The following SH3RF1 variants were observed in gnomAD, a reference collection of about 807,000 sequenced individuals.
The protein encoded by SH3RF1 is SH3 domain containing ring finger 1, also known as E3 ubiquitin-protein ligase SH3RF1.
A neutral mutation model predicts 74.0 loss-of-function variants in SH3RF1; 32 were observed. The ratio of observed to expected loss-of-function variants is 0.43; its 90% CI spans 0.33 to 0.58. SH3RF1 has a LOEUF of 0.58. SH3RF1 is among the 20% of genes least tolerant of loss of function. SH3RF1 has a pLI of 0.05. For synonymous variants in SH3RF1, 396 were observed against 439.6 expected (o/e 0.90, Z 1.24); for missense variants, 954 against 1,130.9 (o/e 0.84, Z 2.24).
intron 2 of SH3RF1, chr4:169,166,159 GA>G (rs1201279659): frequency 6.7e-6 from 1 of 150,164 alleles, no homozygotes; most frequent in African/African-American, 2.5e-5. Context: ...GTAAACCACA[GA>G]TTGGGAAATA....
chr4:169,163,886 C>CA (rs1734190507), intron 2 of SH3RF1, among the ~76,000 whole-genome samples: 1 of 152,124 alleles, frequency 6.6e-6, no homozygotes, highest in African/African-American at 2.4e-5. Context: ...TTATGTCTGT[C>CA]TAGGATGACT....
intron 2 of SH3RF1, among the ~76,000 whole-genome samples, chr4:169,245,845 G>A (rs1257397356): frequency 6.6e-6 from 1 of 152,176 alleles, no homozygotes; most frequent in Non-Finnish European, 1.5e-5. Context: ...GGGAGTATCC[G>A]TACAAGACCA....
At chr4:169,178,368 A>AACTATGCTTAT (rs1554007367) in intron 2 of SH3RF1, among the ~76,000 whole-genome samples, 51 of 151,144 alleles carry the variant, frequency 3.4e-4, no homozygotes, top group African/African-American at 5.1e-4. Context: ...AAAAATAAGC[A>AACTATGCTTAT]TTGTTATGTT....
intron 2 of SH3RF1, among the ~76,000 whole-genome samples, chr4:169,207,617 G>T (rs1328048918): frequency 6.6e-6 from 1 of 152,174 alleles, no homozygotes; most frequent in Non-Finnish European, 1.5e-5. Flanking sequence ...TATGTGGTCA[G>T]CTCTGCAGTG....
At chr4:169,136,797 G>T (rs1445136954) in intron 4 of SH3RF1, among the ~76,000 whole-genome samples, 177 bp from the exon 5 acceptor site, 1 of 152,074 alleles carries the variant, frequency 6.6e-6, no homozygotes, top group Non-Finnish European at 1.5e-5. Flanking sequence ...GGACTTCATT[G>T]TATCTATATC....
At chr4:169,167,707 A>C (rs1734270198) in intron 2 of SH3RF1, among the ~76,000 whole-genome samples, 1 of 152,198 alleles carries the variant, frequency 6.6e-6, no homozygotes, top group Admixed American at 6.5e-5. Flanking sequence ...TGCCCATAGG[A>C]GGTGGGCAAA....
intron 2 of SH3RF1, among the ~76,000 whole-genome samples, chr4:169,215,923 C>A (rs990306881): frequency 6.6e-6 from 1 of 152,026 alleles, no homozygotes; most frequent in Non-Finnish European, 1.5e-5. Context: ...GCTGCCTCAA[C>A]CCCCCAAGCG....
intron 2 of SH3RF1, among the ~76,000 whole-genome samples, chr4:169,223,084 G>A (rs184664672): frequency 7.9e-5 from 12 of 152,180 alleles, no homozygotes; most frequent in Admixed American, 7.9e-4. Context: ...CCTCCAACAC[G>A]CAGACTCACT....
intron 2 of SH3RF1, among the ~76,000 whole-genome samples, chr4:169,234,896 AC>A (rs912357108): frequency 6.6e-6 from 1 of 152,088 alleles, no homozygotes; most frequent in Non-Finnish European, 1.5e-5. Flanking sequence ...TCTGGCTTCT[AC>A]CCACGAGATG....
Position 169,262,780 on chromosome 4 carries a change from T to TA in SH3RF1, c.393+6039dup, listed in dbSNP as rs906469531. Among the ~76,000 whole-genome samples, 15 of 152,178 alleles carry TA rather than the reference T, an allele frequency of 9.9e-5. 1 individual carries two copies. Among genetic ancestry groups the TA allele is most frequent in the Admixed American group, 9.8e-4 (15 of 15,280 alleles). ...ATATAAAAAAGAATCATTACTTTTT[T>TA]AAAAAAATTATCAATTAGTATGCAC... On this transcript the variant is annotated intron_variant, in intron 2 of 11. Coordinates refer to ENST00000284637, the MANE Select transcript of SH3RF1 (RefSeq NM_020870.4).
chr4:169,153,388 T>A (rs539919488), intron 4 of SH3RF1, among the ~76,000 whole-genome samples: 1 of 152,360 alleles, frequency 6.6e-6, no homozygotes, highest in African/African-American at 2.4e-5. Flanking sequence ...ATAAGAGAAT[T>A]ATTTACCAAT....
intron 4 of SH3RF1, among the ~76,000 whole-genome samples, chr4:169,150,462 T>TAC (rs1360725860): frequency 6.6e-6 from 1 of 152,212 alleles, no homozygotes; most frequent in East Asian, 1.9e-4. Context: ...ACATACGTAT[T>TAC]ACCTCAGATA....
At chr4:169,200,583 C>T (rs1734892186) in intron 2 of SH3RF1, among the ~76,000 whole-genome samples, 1 of 152,126 alleles carries the variant, frequency 6.6e-6, no homozygotes, top group South Asian at 2.1e-4. Context: ...AGGAAAAAAA[C>T]AAGTTTCATA....
intron 2 of SH3RF1, among the ~76,000 whole-genome samples, chr4:169,175,691 G>A (rs1285347074): frequency 1.3e-5 from 2 of 151,952 alleles, no homozygotes; most frequent in Non-Finnish European, 2.9e-5. Flanking sequence ...ACTAGGCACC[G>A]ACCCACCCAA....
In SH3RF1 at chr4:169,269,319, G is replaced by C. The variant is rs1329222771; in HGVS notation, c.-95-12C>G. On this transcript the variant is annotated splice_polypyrimidine_tract_variant and intron_variant, in intron 1 of 11. Coordinates refer to ENST00000284637, the MANE Select transcript of SH3RF1 (RefSeq NM_020870.4). ...TTTCAGACTTTGCTCTAGAGTCATGGGGAAAAGGGGGAAAAGAGAACATGA... is the reference window on the plus strand; with the variant it reads ...TTTCAGACTTTGCTCTAGAGTCATGCGGAAAAGGGGGAAAAGAGAACATGA... The C allele has an allele frequency of 4.3e-6, 5 of 1,151,670 alleles. No individual in the cohort carries two copies. The highest frequency in any genetic ancestry group is 6.0e-6 in the Non-Finnish European group (5 of 839,992). 71.3% of individuals were successfully genotyped at this position (1,151,670 alleles called of 1,614,324 possible).
intron 2 of SH3RF1, among the ~76,000 whole-genome samples, chr4:169,211,465 G>A (rs1175120596): frequency 7.4e-6 from 1 of 135,128 alleles, no homozygotes; most frequent in Non-Finnish European, 1.5e-5. Flanking sequence ...CTGGGCAACA[G>A]AGCGAGACTC....
intron 5 of SH3RF1, among the ~76,000 whole-genome samples, 155 bp from the exon 6 acceptor site, chr4:169,130,311 A>G (rs1359729661): frequency 1.3e-5 from 2 of 152,118 alleles, no homozygotes; most frequent in African/African-American, 2.4e-5. Context: ...GCTCAACCCA[A>G]ATTTACCAGT....
At chr4:169,212,728 A>G (rs1443764312) in intron 2 of SH3RF1, among the ~76,000 whole-genome samples, 11 of 152,206 alleles carry the variant, frequency 7.2e-5, no homozygotes, top group Admixed American at 7.2e-4. Flanking sequence ...TCCACAGTTT[A>G]TATCAGGGTT....
At chr4:169,204,833 G>A (rs962718045) in intron 2 of SH3RF1, among the ~76,000 whole-genome samples, 2 of 152,144 alleles carry the variant, frequency 1.3e-5, no homozygotes, top group Non-Finnish European at 1.5e-5. Context: ...ACAGGCGTGA[G>A]CCACTGAGCC....
Sources: gnomAD v4.1 joint callset for allele counts (sites outside exome capture counted in the v4.1 genomes callset) on GRCh38, gnomAD v4.1.1 for gene constraint, MANE v1.5 for transcripts, NCBI Gene and HGNC (gene_info 2026-07-23, HGNC 2026-07-21) for gene names.